The following CNOT2 variants were observed in gnomAD, a reference collection of about 807,000 sequenced individuals.
CNOT2 encodes CC chemokine receptor 4-negative regulator of transcription 2.
CNOT2 carries 7 observed loss-of-function variants against 72.1 expected under a neutral mutation model. The observed-to-expected ratio is 0.10, with a 90% CI of 0.06 to 0.18. The LOEUF (loss-of-function observed/expected upper bound fraction) is 0.18. Among genes scored for constraint, CNOT2 ranks in the 10% least tolerant of loss-of-function variants. CNOT2 has a pLI of 1.00. For synonymous variants in CNOT2, 196 were observed against 225.6 expected (o/e 0.87, Z 1.17); for missense variants, 345 against 660.3 (o/e 0.52, Z 5.23).
intron 9 of CNOT2, 102 bp from the exon 10 acceptor site, chr12:70,338,340 CA>C (rs1880980220): frequency 1.1e-6 from 1 of 940,522 alleles, no homozygotes; most frequent in African/African-American, 1.7e-5. Flanking sequence ...ATTTAACTAC[CA>C]ATTTAAATGT....
intron 3 of CNOT2, among the ~76,000 whole-genome samples, chr12:70,316,277 T>C (rs2135973632): frequency 6.6e-6 from 1 of 152,322 alleles, no homozygotes; most frequent in South Asian, 2.1e-4. Context: ...TTTATATTAT[T>C]AACTTTCAGA....
Position 70,278,200 on chromosome 12 carries a change from G to C in CNOT2, c.-27G>C, listed in dbSNP as rs368642986. 4 of 1,587,344 alleles carry C rather than the reference G, an allele frequency of 2.5e-6. No homozygotes were observed. The African/African-American group carries it at 5.4e-5, about 21-fold the overall frequency. The stretch of plus-strand genomic sequence containing the variant: ...GTGACAGTTCTATTTGATTGCCTCC[G>C]GTACTGTGAGGAAAGGACACGACTC... On this transcript the variant is annotated 5_prime_UTR_variant, in exon 2 of 16. Coordinates refer to ENST00000229195, the MANE Select transcript of CNOT2 (RefSeq NM_014515.7).
At chr12:70,308,249 G>A (rs1164627237) in intron 2 of CNOT2, among the ~76,000 whole-genome samples, 2 of 152,106 alleles carry the variant, frequency 1.3e-5, no homozygotes, top group Middle Eastern at 3.4e-3. Flanking sequence ...AATAAAGGAC[G>A]GGCACTTTAA....
intron 3 of CNOT2, 56 bp downstream of exon 3, chr12:70,311,073 C>T: frequency 7.5e-7 from 1 of 1,333,628 alleles, no homozygotes. Flanking sequence ...TGTCTGGGTT[C>T]CTGAAAAACA....
chr12:70,300,962 A>G (rs1873842615), intron 2 of CNOT2, among the ~76,000 whole-genome samples: 1 of 151,932 alleles, frequency 6.6e-6, no homozygotes, highest in Non-Finnish European at 1.5e-5. Flanking sequence ...ATTCCTAGGT[A>G]TTTTATTCTC....
intron 1 of CNOT2, among the ~76,000 whole-genome samples, chr12:70,266,124 TCAGA>T (rs1381720070): frequency 6.6e-6 from 1 of 151,990 alleles, no homozygotes; most frequent in Non-Finnish European, 1.5e-5. Context: ...TTATTATTTT[TCAGA>T]CAGAGTTCTC....
At chr12:70,248,971 T>C (rs1348834209) in intron 1 of CNOT2, among the ~76,000 whole-genome samples, 1 of 152,116 alleles carries the variant, frequency 6.6e-6, no homozygotes, top group African/African-American at 2.4e-5. Context: ...TTATGTATCC[T>C]GGCAATTTAG....
At chr12:70,262,115 T>G (rs1035384498) in intron 1 of CNOT2, among the ~76,000 whole-genome samples, 2 of 152,048 alleles carry the variant, frequency 1.3e-5, no homozygotes, top group African/African-American at 4.8e-5. Flanking sequence ...TCTTGGTCAG[T>G]TTAGCTCAAA....
chr12:70,352,818 TGAA>T (rs768331353), intron 15 of CNOT2, among the ~76,000 whole-genome samples: 19 of 152,190 alleles, frequency 1.2e-4, no homozygotes, highest in Non-Finnish European at 2.1e-4. Flanking sequence ...GGAAGTATCA[TGAA>T]GAAATTATGT....
intron 2 of CNOT2, among the ~76,000 whole-genome samples, chr12:70,296,886 T>C (rs1229295679): frequency 6.6e-6 from 1 of 152,152 alleles, no homozygotes. Flanking sequence ...AATATCTTTG[T>C]TAACAAATAT....
chr12:70,280,293 G>C (rs1230284496), intron 2 of CNOT2, among the ~76,000 whole-genome samples: 5 of 151,996 alleles, frequency 3.3e-5, no homozygotes, highest in African/African-American at 1.2e-4. Flanking sequence ...GCATCACTAA[G>C]TAAAAACAAA....
intron 7 of CNOT2, 140 bp downstream of exon 7, chr12:70,332,986 G>T: frequency 7.8e-7 from 1 of 1,289,284 alleles, no homozygotes; most frequent in Non-Finnish European, 1.0e-6. Flanking sequence ...TGAAAAATAG[G>T]AATAGGATTC....
chr12:70,261,305 CTTTTTTTTT>C (rs71437141), intron 1 of CNOT2, among the ~76,000 whole-genome samples: 4 of 43,352 alleles, frequency 9.2e-5, no homozygotes, highest in East Asian at 1.3e-3. Flanking sequence ...TTCTTTCTTT[CTTTTTTTTT>C]TTTTTTTTTT....
At chr12:70,257,475 C>G (rs930739655) in intron 1 of CNOT2, among the ~76,000 whole-genome samples, 1 of 151,564 alleles carries the variant, frequency 6.6e-6, no homozygotes, top group African/African-American at 2.4e-5. Context: ...ATTCTCCTGC[C>G]TCAGCCTCCC....
intron 15 of CNOT2, among the ~76,000 whole-genome samples, chr12:70,351,795 A>C (rs1424370184): frequency 6.6e-6 from 1 of 152,214 alleles, no homozygotes; most frequent in African/African-American, 2.4e-5. Flanking sequence ...CAGATAGTCA[A>C]CTTGAACCAA....
At chr12:70,344,752 T>G (rs1881948106) in intron 14 of CNOT2, 1 of 152,128 alleles carries the variant, frequency 6.6e-6, no homozygotes, top group Non-Finnish European at 1.5e-5. Flanking sequence ...AGTGCCAAAT[T>G]TGTAAGAAGA....
intron 1 of CNOT2, among the ~76,000 whole-genome samples, chr12:70,248,396 G>A (rs752071601): frequency 5.3e-5 from 8 of 152,122 alleles, no homozygotes; most frequent in Non-Finnish European, 1.0e-4. Flanking sequence ...AGCAAGGTGA[G>A]AAAATATCAA....
At chr12:70,337,763 C>T (rs913161920) in intron 9 of CNOT2, 3 of 519,882 alleles carry the variant, frequency 5.8e-6, no homozygotes, top group Non-Finnish European at 1.1e-5. Context: ...TAGTCCCTGT[C>T]AGCTGGATCC....
At chr12:70,245,872 GAA>G in intron 1 of CNOT2, among the ~76,000 whole-genome samples, 2 of 152,234 alleles carry the variant, frequency 1.3e-5, no homozygotes, top group South Asian at 4.1e-4. Context: ...ATTGTAATCT[GAA>G]AATTATTTGT....
Sources: gnomAD v4.1 joint callset for allele counts (sites outside exome capture counted in the v4.1 genomes callset) on GRCh38, gnomAD v4.1.1 for gene constraint, MANE v1.5 for transcripts, NCBI Gene and HGNC (gene_info 2026-07-23, HGNC 2026-07-21) for gene names.